The following TIAM1 variants were observed in gnomAD, a reference collection of about 807,000 sequenced individuals.
TIAM1 encodes the protein TIAM Rac1 associated GEF 1.
In TIAM1, 65 loss-of-function variants were observed where a neutral mutation model predicts 163.5. The ratio of observed to expected loss-of-function variants is 0.40; its 90% CI spans 0.33 to 0.49. TIAM1 has a LOEUF of 0.49. Ranked by LOEUF, TIAM1 falls within the 20% of genes least tolerant of loss-of-function variation. The pLI is 0.77. For missense variants in TIAM1, 1,789 were observed against 2,044.7 expected (o/e 0.87, Z 2.41); for synonymous variants, 833 against 810.1 (o/e 1.03, Z -0.48).
At chr21:31,504,409 G>A (rs572362628) in intron 1 of TIAM1, among the ~76,000 whole-genome samples, 1 of 152,192 alleles carries the variant, frequency 6.6e-6, no homozygotes, top group African/African-American at 2.4e-5. Context: ...TCAAAAAGAA[G>A]GTACAACAAG....
chr21:31,413,394 C>CA (rs2043275081), intron 2 of TIAM1, among the ~76,000 whole-genome samples: 1 of 151,634 alleles, frequency 6.6e-6, no homozygotes, highest in Non-Finnish European at 1.5e-5. Flanking sequence ...CTCAGCCTCC[C>CA]AAGTAGCTGG....
At position 31,407,629 on chromosome 21, in the gene TIAM1, ATTTTTTTTTT is replaced by A. The variant is rs562921160; in HGVS notation, c.-369+56344_-369+56353del. On this transcript the variant is annotated intron_variant, in intron 2 of 28. Coordinates refer to the TIAM1 transcript ENST00000286827. The stretch of plus-strand genomic sequence containing the variant: ...TTTTCAAATGAGTCATTTGCTCTTA[ATTTTTTTTTT>A]TTTTTTTTTTTTTTTGGACAGAGTC... 1.4e-4 allele frequency among the ~76,000 whole-genome samples: 13 copies of A among 94,084 alleles called. No individual in the cohort carries two copies. In the South Asian group the frequency reaches 1.5e-3, roughly 11 times the overall value. 61.7% of individuals were successfully genotyped at this position (94,084 alleles called of 152,430 possible). A position where few individuals can be genotyped will look rare whatever the true frequency, so the allele number is the denominator to read the frequency against.
intron 1 of TIAM1, among the ~76,000 whole-genome samples, chr21:31,499,711 G>A (rs995433396): frequency 3.7e-4 from 56 of 151,988 alleles, no homozygotes; most frequent in African/African-American, 1.4e-3. Flanking sequence ...TTAGCCAGGT[G>A]TGGTGGTGTG....
At chr21:31,557,213 G>A (rs892320690) in intron 1 of TIAM1, among the ~76,000 whole-genome samples, 6 of 152,118 alleles carry the variant, frequency 3.9e-5, no homozygotes, top group African/African-American at 1.2e-4. Context: ...TAAACCTAAG[G>A]CCAAGTAAAA....
chr21:31,255,695 C>A (rs2072061023), intron 4 of TIAM1, among the ~76,000 whole-genome samples: 1 of 152,132 alleles, frequency 6.6e-6, no homozygotes, highest in African/African-American at 2.4e-5. Flanking sequence ...AAATTTTAAT[C>A]AAAAAAGGCA....
chr21:31,217,548 C>T lies in TIAM1; in HGVS notation c.2142+5G>A, dbSNP rs936452326. ...GGCTCACTTTTCATCTGCTCTGGAA[C>T]CTACCTGATTGATGCTTGGCCGTCC... On this transcript the variant is annotated splice_donor_5th_base_variant and intron_variant, in intron 9 of 27. Transcript: ENST00000541036. 6.2e-7 allele frequency: 1 copy of T among 1,613,512 alleles called. No individual in the cohort carries two copies. Among genetic ancestry groups the T allele is most frequent in the African/African-American group, 1.3e-5 (1 of 75,018 alleles).
intron 16 of TIAM1, among the ~76,000 whole-genome samples, chr21:31,158,251 T>C (rs1008623792): frequency 2.0e-5 from 3 of 152,194 alleles, no homozygotes; most frequent in African/African-American, 2.4e-5. Flanking sequence ...TTCTGGCTTA[T>C]ATTAGGAAAC....
At chr21:31,222,497 A>G (rs1490083922) in intron 8 of TIAM1, among the ~76,000 whole-genome samples, 3 of 151,852 alleles carry the variant, frequency 2.0e-5, no homozygotes, top group African/African-American at 7.2e-5. Context: ...CAAGCAATGC[A>G]TATATGTTCA....
intron 2 of TIAM1, among the ~76,000 whole-genome samples, chr21:31,375,228 T>C (rs530506204): frequency 6.6e-6 from 1 of 152,312 alleles, no homozygotes; most frequent in Non-Finnish European, 1.5e-5. Context: ...AAAGTCACTG[T>C]TTAATAGAAA....
chr21:31,524,670 C>T (rs1292557761), intron 1 of TIAM1, among the ~76,000 whole-genome samples: 1 of 152,168 alleles, frequency 6.6e-6, no homozygotes, highest in East Asian at 1.9e-4. Context: ...AGCTTATAAG[C>T]AAAAGAGCTG....
chr21:31,184,450 A>G (rs1234471384), intron 14 of TIAM1, among the ~76,000 whole-genome samples: 3 of 152,100 alleles, frequency 2.0e-5, no homozygotes, highest in African/African-American at 7.2e-5. Flanking sequence ...ATATCTTTCT[A>G]GACACGCCAG....
rs964322611 is a variant in TIAM1 at position 31,148,940 on chromosome 21, A to AT, written c.3367-1938dup. On this transcript the variant is annotated intron_variant, in intron 19 of 27. Transcript: ENST00000541036. ...GTGCTCTATGCAACACAGTTTGAAG[A>AT]TTTTAACAAGTTTTTCTTTTTCTTT... Among the ~76,000 whole-genome samples the AT allele has an allele frequency of 2.2e-5, 3 of 138,094 alleles. No homozygotes were observed. The Admixed American group carries it at 2.4e-4, about 11-fold the overall frequency. The allele number at this position is 138,094 out of a possible 152,430, so 90.6% of individuals were successfully genotyped here.
At chr21:31,268,797 T>C (rs1401333330) in intron 3 of TIAM1, among the ~76,000 whole-genome samples, 2 of 152,224 alleles carry the variant, frequency 1.3e-5, no homozygotes, top group African/African-American at 2.4e-5. Flanking sequence ...CTACATTTCT[T>C]ACAAGTAAAA....
intron 2 of TIAM1, among the ~76,000 whole-genome samples, chr21:31,301,893 T>A (rs1887032415): frequency 6.7e-6 from 1 of 148,714 alleles, no homozygotes. Context: ...ATAATATATA[T>A]AAAATGTGTG....
chr21:31,446,119 G>A (rs1440958698), intron 2 of TIAM1, among the ~76,000 whole-genome samples: 1 of 151,642 alleles, frequency 6.6e-6, no homozygotes, highest in Non-Finnish European at 1.5e-5. Context: ...TTTTGTACTT[G>A]GGGTAGAGGC....
intron 2 of TIAM1, among the ~76,000 whole-genome samples, chr21:31,337,693 G>A (rs1322326619): frequency 1.3e-5 from 2 of 151,796 alleles, no homozygotes; most frequent in Non-Finnish European, 2.9e-5. Flanking sequence ...CACCACACCG[G>A]GCTAATTTTT....
chr21:31,249,566 A>G (rs780062666), intron 5 of TIAM1, among the ~76,000 whole-genome samples: 2 of 152,152 alleles, frequency 1.3e-5, no homozygotes, highest in Non-Finnish European at 2.9e-5. Flanking sequence ...CTAATTAATA[A>G]AATGAATGCT....
rs150862014 is a variant in TIAM1, at chr21:31,539,803, A to G, written c.-422+19124T>C. Among the ~76,000 whole-genome samples the G allele has an allele frequency of 2.4e-3, 371 of 152,272 alleles. 15 individuals carry two copies. Among genetic ancestry groups the G allele is most frequent in the Middle Eastern group, 6.8e-3 (2 of 292 alleles). On this transcript the variant is annotated intron_variant, in intron 1 of 28. Transcript: ENST00000286827. Reference sequence around the variant, plus strand: ...TCGCACCCAGGTTGTGTGGCCTGTCACGGATCTAATCTCTTTGCTTCTCCA... The same window carrying G: ...TCGCACCCAGGTTGTGTGGCCTGTCGCGGATCTAATCTCTTTGCTTCTCCA...
chr21:31,308,449 A>G (rs1014416496), intron 2 of TIAM1, among the ~76,000 whole-genome samples: 1 of 150,514 alleles, frequency 6.6e-6, no homozygotes, highest in Non-Finnish European at 1.5e-5. Context: ...GTAATTATTA[A>G]ATCACTAATA....
Sources: allele counts gnomAD v4.1 joint callset (sites outside exome capture counted in the v4.1 genomes callset), GRCh38; gene constraint gnomAD v4.1.1; transcripts MANE v1.5; gene names NCBI Gene and HGNC (gene_info 2026-07-23, HGNC 2026-07-21).